Variants in FRMPD1 observed in about 807,000 individuals in gnomAD.
FRMPD1 encodes FERM and PDZ domain-containing protein 1.
A neutral mutation model predicts 117.8 loss-of-function variants in FRMPD1; 76 were observed. That is an observed-to-expected ratio of 0.65 (90% CI 0.54 to 0.78). The LOEUF (loss-of-function observed/expected upper bound fraction) is 0.78, where lower values mean the gene tolerates loss of function less well. FRMPD1 is among the 30% of genes least tolerant of loss of function. The probability of loss-of-function intolerance (pLI) is 0.00; values close to 1 mark genes in which losing one functional copy is unlikely to be tolerated. For synonymous variants in FRMPD1, 783 were observed against 770.4 expected (o/e 1.02, Z -0.27); for missense variants, 1,786 against 1,964.5 (o/e 0.91, Z 1.72).
chr9:37,635,123 A>G, the FRMPD1 span, among the ~76,000 whole-genome samples: 1 of 152,236 alleles, frequency 6.6e-6, no homozygotes, highest in Non-Finnish European at 1.5e-5. Context: ...CCATTATGAC[A>G]GTGGAGAAAT....
rs753660122 is a variant in FRMPD1, at chr9:37,745,333, A to G, written c.3301A>G (p.Lys1101Glu). 3 of 1,612,370 alleles carry G rather than the reference A, an allele frequency of 1.9e-6. No homozygotes were observed. The Admixed American group carries it at 5.0e-5, about 27-fold the overall frequency. The change falls in exon 16 of 16, where the codon AAG (lysine) becomes GAG (glutamate). Residue 1101 changes from lysine (K) to glutamate (E), a missense_variant. By Grantham distance (56) the Lys-to-Glu change is moderately conservative. Transcript: ENST00000377765. Reference sequence around the variant, plus strand: ...AGAGAAGATAGCTTCTATCCCTACAAAGGAAGAGCCACAAGGACAACTATC... The same window carrying G: ...AGAGAAGATAGCTTCTATCCCTACAGAGGAAGAGCCACAAGGACAACTATC... ...PGEKIASIPT[K>E]EEPQGQLSLE... is the part of the protein sequence containing the mutation.
intron 13 of FRMPD1, among the ~76,000 whole-genome samples, chr9:37,736,828 TGTGTGTGAGTGA>T (rs1235225137): frequency 2.0e-5 from 3 of 151,518 alleles, no homozygotes; most frequent in Admixed American, 1.3e-4. Flanking sequence ...AAGGACCCAC[TGTGTGTGAGTGA>T]GTGTGTGAGT....
intron 1 of FRMPD1, among the ~76,000 whole-genome samples, chr9:37,652,409 C>G (rs1820702802): frequency 6.6e-6 from 1 of 152,190 alleles, no homozygotes; most frequent in Non-Finnish European, 1.5e-5. Context: ...GAAATTTATT[C>G]TTTTGCCCAA....
the FRMPD1 span, among the ~76,000 whole-genome samples, chr9:37,604,985 G>A: frequency 4.6e-5 from 7 of 152,344 alleles, no homozygotes; most frequent in South Asian, 4.1e-4. Flanking sequence ...AAATGGAAAA[G>A]TCAGGCATAG....
chr9:37,698,809 G>A (rs1822426314), intron 2 of FRMPD1, among the ~76,000 whole-genome samples: 1 of 152,094 alleles, frequency 6.6e-6, no homozygotes, highest in African/African-American at 2.4e-5. Flanking sequence ...TGCAACCTTG[G>A]CTCACCGCAA....
At chr9:37,668,679 T>C (rs1321011334) in intron 1 of FRMPD1, 6 of 152,222 alleles carry the variant, frequency 3.9e-5, no homozygotes, top group African/African-American at 7.2e-5. Context: ...TCTTCTCAAT[T>C]GTGATACCTT....
At chr9:37,743,180 G>A (rs1459115412) in intron 15 of FRMPD1, among the ~76,000 whole-genome samples, 1 of 152,152 alleles carries the variant, frequency 6.6e-6, no homozygotes, top group Non-Finnish European at 1.5e-5. Context: ...CGATGCCTGT[G>A]ACAGAGTTGT....
Position 37,732,369 on chromosome 9 carries a change from C to T in FRMPD1, c.924C>T (p.Leu308=), listed in dbSNP as rs770312284. 8.1e-6 allele frequency: 13 copies of T among 1,613,792 alleles called. No individual in the cohort carries two copies. In the South Asian group the frequency reaches 1.3e-4, roughly 16 times the overall value. The change falls in exon 10 of 16, where the codon CTC becomes CTT. Residue 308 remains leucine, a synonymous_variant. Transcript: ENST00000377765. ...VEMKCSSALR[L]AALHIQERIY... ...TGAAATGTAGCTCTGCACTCCGACT[C>T]GCGGCTCTGCACATCCAGGAACGGA...
At chr9:37,633,123 C>A in the FRMPD1 span, among the ~76,000 whole-genome samples, 1 of 151,822 alleles carries the variant, frequency 6.6e-6, no homozygotes, top group African/African-American at 2.4e-5. Flanking sequence ...TCACTGCAAC[C>A]TCTGCTCCCA....
chr9:37,714,502 C>T (rs1823028714), intron 5 of FRMPD1, among the ~76,000 whole-genome samples: 1 of 152,200 alleles, frequency 6.6e-6, no homozygotes, highest in Non-Finnish European at 1.5e-5. Flanking sequence ...TCTGTGGCCA[C>T]CAGTGCCTCT....
chr9:37,692,786 T>C (rs376948455), intron 2 of FRMPD1, 44 bp downstream of exon 2: 9 of 1,369,084 alleles, frequency 6.6e-6, no homozygotes, highest in Non-Finnish European at 9.4e-6. Context: ...AAAGGTCTGG[T>C]GTCCCGGGGG....
intron 2 of FRMPD1, among the ~76,000 whole-genome samples, chr9:37,697,483 C>T (rs1215317420): frequency 2.0e-5 from 3 of 151,868 alleles, no homozygotes; most frequent in East Asian, 3.9e-4. Flanking sequence ...AGGAGAATGG[C>T]GTGAACCAGG....
At chr9:37,733,145 G>C (rs530162135) in intron 10 of FRMPD1, among the ~76,000 whole-genome samples, 1 of 152,228 alleles carries the variant, frequency 6.6e-6, no homozygotes, top group South Asian at 2.1e-4. Context: ...AGAGTGTCTT[G>C]TACTCTCTTG....
At position 37,734,078 on chromosome 9, in the gene FRMPD1, A is replaced by G. The variant is rs145478828; in HGVS notation, c.1218+253A>G. 1.4e-3 allele frequency among the ~76,000 whole-genome samples: 214 copies of G among 152,284 alleles called. 2 individuals are homozygous for G. Among genetic ancestry groups the G allele is most frequent in the African/African-American group, 4.9e-3 (205 of 41,552 alleles). ...CCTTGAAGGATGAAACAAGCTACCC[A>G]ACAAAATGAAGCAAAGCCATGAGAC... On this transcript the variant is annotated intron_variant, in intron 12 of 15. Coordinates refer to ENST00000377765, the MANE Select transcript of FRMPD1 (RefSeq NM_014907.3).
rs150019472 is a variant in FRMPD1, at chr9:37,683,390, A to C, written c.-4-9248A>C. Among the ~76,000 whole-genome samples, 757 of 152,362 alleles carry C rather than the reference A, an allele frequency of 5.0e-3. 10 individuals are homozygous for C. The highest frequency in any genetic ancestry group is 0.017 in the African/African-American group (708 of 41,584). Reference sequence around the variant, plus strand: ...CAAAGCATTGTCACAGCATAATGGAATGTAAGCCTTACACCAACCCTGACT... The same window carrying C: ...CAAAGCATTGTCACAGCATAATGGACTGTAAGCCTTACACCAACCCTGACT... On this transcript the variant is annotated intron_variant, in intron 1 of 15. Transcript: ENST00000377765.
the FRMPD1 span, among the ~76,000 whole-genome samples, chr9:37,618,711 C>T: frequency 6.6e-6 from 1 of 152,148 alleles, no homozygotes; most frequent in Non-Finnish European, 1.5e-5. Flanking sequence ...CTGCAGTTCC[C>T]TCAAACACAC....
Position 37,708,498 on chromosome 9 carries a change from T to A in FRMPD1, c.359T>A (p.Leu120His). Residue 120 changes from leucine (L) to histidine (H), a missense_variant, in exon 4 of 16, where the codon CTC (leucine) becomes CAC (histidine). Coordinates refer to ENST00000377765, the MANE Select transcript of FRMPD1 (RefSeq NM_014907.3). ...TCCTGGGAACGAGCAGTCGATATTC[T>A]CAGGTACTAAATGGTCTTCCATCAT... is the stretch of plus-strand genomic sequence containing the variant. ...DLSWERAVDILREAEDSLSIT... is the reference protein window; with the variant it reads ...DLSWERAVDIHREAEDSLSIT... 2 of 1,560,526 alleles carry A rather than the reference T, an allele frequency of 1.3e-6. No individual in the cohort carries two copies. Among genetic ancestry groups the A allele is most frequent in the Non-Finnish European group, 1.8e-6 (2 of 1,130,958 alleles).
intron 1 of FRMPD1, among the ~76,000 whole-genome samples, chr9:37,667,609 C>G (rs1012363245): frequency 6.7e-6 from 1 of 150,096 alleles, no homozygotes; most frequent in African/African-American, 2.5e-5. Flanking sequence ...ACCCGGGAGG[C>G]GGAGGCAGAG....
At chr9:37,605,280 G>A in the FRMPD1 span, among the ~76,000 whole-genome samples, 1 of 152,194 alleles carries the variant, frequency 6.6e-6, no homozygotes, top group African/African-American at 2.4e-5. Context: ...GTTTGGCTCA[G>A]CACAATCCTT....
Sources: allele counts gnomAD v4.1 joint callset (sites outside exome capture counted in the v4.1 genomes callset), GRCh38; gene constraint gnomAD v4.1.1; transcripts MANE v1.5; gene names NCBI Gene and HGNC (gene_info 2026-07-23, HGNC 2026-07-21).